The following SMYD3 variants were observed in gnomAD, a reference collection of about 807,000 sequenced individuals.
The protein encoded by SMYD3 is SET and MYND domain containing 3.
A neutral mutation model predicts 57.7 loss-of-function variants in SMYD3; 36 were observed. That is an observed-to-expected ratio of 0.62 (90% CI 0.48 to 0.82). The LOEUF (loss-of-function observed/expected upper bound fraction) is 0.82, where lower values mean the gene tolerates loss of function less well. Ranked by LOEUF, SMYD3 falls within the 40% of genes least tolerant of loss-of-function variation. The pLI is 0.00. For synonymous variants in SMYD3, 211 were observed against 195.0 expected (o/e 1.08, Z -0.68); for missense variants, 515 against 538.8 (o/e 0.96, Z 0.44).
At chr1:246,013,989 AT>A (rs926000568) in intron 5 of SMYD3, among the ~76,000 whole-genome samples, 1 of 152,222 alleles carries the variant, frequency 6.6e-6, no homozygotes, top group Non-Finnish European at 1.5e-5. Flanking sequence ...GTTCAGAGGC[AT>A]TGGAGGAATT....
intron 5 of SMYD3, among the ~76,000 whole-genome samples, chr1:246,321,146 G>C (rs1432623050): frequency 1.3e-5 from 2 of 152,204 alleles, no homozygotes; most frequent in African/African-American, 4.8e-5. Flanking sequence ...GTAATTCTCA[G>C]GATCTCAAGA....
At chr1:246,183,228 G>T (rs1029929249) in intron 5 of SMYD3, among the ~76,000 whole-genome samples, 1 of 152,014 alleles carries the variant, frequency 6.6e-6, no homozygotes, top group Non-Finnish European at 1.5e-5. Flanking sequence ...GCATGTAAAC[G>T]AGGCAGTTTT....
chr1:246,229,212 C>T (rs867582443), intron 5 of SMYD3, among the ~76,000 whole-genome samples: 18 of 151,982 alleles, frequency 1.2e-4, no homozygotes, highest in South Asian at 2.1e-4. Flanking sequence ...TCTACATTAC[C>T]GTTCTCTTGA....
At chr1:246,390,686 T>C (rs1046504671) in intron 1 of SMYD3, among the ~76,000 whole-genome samples, 1 of 152,210 alleles carries the variant, frequency 6.6e-6, no homozygotes, top group African/African-American at 2.4e-5. Context: ...TATGACAACA[T>C]ATAATCAATA....
At chr1:246,247,949 A>G (rs866622439) in intron 5 of SMYD3, among the ~76,000 whole-genome samples, 12 of 152,194 alleles carry the variant, frequency 7.9e-5, no homozygotes, top group Middle Eastern at 3.2e-3. Context: ...TGATGAGAAC[A>G]TACCCTTTCC....
At chr1:246,125,517 G>A (rs2061496641) in intron 5 of SMYD3, among the ~76,000 whole-genome samples, 1 of 148,878 alleles carries the variant, frequency 6.7e-6, no homozygotes, top group Admixed American at 6.6e-5. Flanking sequence ...AACTAAAGAG[G>A]AATAAACAAA....
chr1:245,929,855 T>TAACATAC lies in SMYD3; in HGVS notation c.599+14_599+15insGTATGTT, dbSNP rs1269566171. The stretch of plus-strand genomic sequence containing the variant: ...AAAGTGTGTCTTCCAGTACATGAAG[T>TAACATAC]ACCATACACCATACCTGGGATATAG... On this transcript the variant is annotated intron_variant, in intron 6 of 11. Coordinates refer to ENST00000490107, the MANE Select transcript of SMYD3 (RefSeq NM_001167740.2). 6.2e-7 allele frequency: 1 copy of TAACATAC among 1,600,662 alleles called. No homozygotes were observed. Among genetic ancestry groups the TAACATAC allele is most frequent in the Non-Finnish European group, 8.6e-7 (1 of 1,167,984 alleles).
At chr1:246,188,636 C>T (rs1206872186) in intron 5 of SMYD3, among the ~76,000 whole-genome samples, 2 of 151,432 alleles carry the variant, frequency 1.3e-5, no homozygotes, top group Non-Finnish European at 2.9e-5. Context: ...GTTAAGAACT[C>T]GATTATAGGC....
chr1:245,914,070 C>CA (rs1440321461), intron 8 of SMYD3, among the ~76,000 whole-genome samples: 1 of 152,008 alleles, frequency 6.6e-6, no homozygotes, highest in Non-Finnish European at 1.5e-5. Flanking sequence ...TACCCACTCC[C>CA]AAAAAAAGAC....
intron 5 of SMYD3, among the ~76,000 whole-genome samples, chr1:245,984,103 G>A (rs1259054023): frequency 1.3e-5 from 2 of 151,022 alleles, no homozygotes; most frequent in East Asian, 2.0e-4. Flanking sequence ...GGGTTCAAGC[G>A]ATTCTCCTGC....
intron 10 of SMYD3, among the ~76,000 whole-genome samples, chr1:245,824,810 C>T (rs759554731): frequency 8.0e-5 from 12 of 150,068 alleles, no homozygotes; most frequent in East Asian, 2.0e-4. Context: ...GGGCCGAGAT[C>T]GCACCATTGC....
In SMYD3 at chr1:246,041,129, T is replaced by A. The variant is rs145011496; in HGVS notation, c.532-111192A>T. On this transcript the variant is annotated intron_variant, in intron 5 of 11. Coordinates refer to ENST00000490107, the MANE Select transcript of SMYD3 (RefSeq NM_001167740.2). ...TCAGTACAGTAACATGCTGTTCGGG[T>A]TTATAGCCCAGGAGCAAGAGACGAT... Among the ~76,000 whole-genome samples, 5 of 152,320 alleles carry A rather than the reference T, an allele frequency of 3.3e-5. No homozygotes were observed. The East Asian group carries it at 7.7e-4, about 24-fold the overall frequency.
chr1:246,230,852 TAAG>T (rs1208891870), intron 5 of SMYD3, among the ~76,000 whole-genome samples: 3 of 152,226 alleles, frequency 2.0e-5, no homozygotes, highest in Admixed American at 2.0e-4. Flanking sequence ...TTTAATTACT[TAAG>T]TAGTCAAATG....
chr1:245,752,173 C>T (rs530220043), intron 11 of SMYD3, among the ~76,000 whole-genome samples: 2 of 152,332 alleles, frequency 1.3e-5, no homozygotes, highest in South Asian at 4.1e-4. Flanking sequence ...TTCCCTTTTA[C>T]TCAACAAAGA....
intron 5 of SMYD3, among the ~76,000 whole-genome samples, chr1:246,225,321 CAAAAAAAAAAAAAAAAAAAAA>C (rs60915002): frequency 3.5e-4 from 27 of 76,306 alleles, no homozygotes; most frequent in Non-Finnish European, 6.9e-4. Flanking sequence ...GCTGAAAAGT[CAAAAAAAAAAAAAAAAAAAAA>C]AAAAAAAAAA....
At chr1:245,797,555 T>A (rs550084386) in intron 10 of SMYD3, among the ~76,000 whole-genome samples, 1 of 148,530 alleles carries the variant, frequency 6.7e-6, no homozygotes, top group South Asian at 2.2e-4. Context: ...AGGATAGCAT[T>A]AGGAGATATA....
chr1:245,797,828 C>CAAAAAA (rs559088835), intron 10 of SMYD3, among the ~76,000 whole-genome samples: 17,857 of 107,916 alleles, frequency 0.17, 1,487 homozygotes, highest in African/African-American at 0.33. Flanking sequence ...TTCCGGGTTC[C>CAAAAAA]AAAAAAAAAA....
chr1:245,942,252 C>G (rs1480768903), intron 5 of SMYD3, among the ~76,000 whole-genome samples: 1 of 152,156 alleles, frequency 6.6e-6, no homozygotes. Flanking sequence ...TGCAAAGACA[C>G]ACGCAGGCTC....
chr1:246,060,392 C>T (rs966131253), intron 5 of SMYD3, among the ~76,000 whole-genome samples: 2 of 151,824 alleles, frequency 1.3e-5, no homozygotes, highest in Admixed American at 6.6e-5. Context: ...AAGTTCCATA[C>T]ATTTATATGT....
Sources: allele counts gnomAD v4.1 joint callset (sites outside exome capture counted in the v4.1 genomes callset), GRCh38; gene constraint gnomAD v4.1.1; transcripts MANE v1.5; gene names NCBI Gene and HGNC (gene_info 2026-07-23, HGNC 2026-07-21).